The following SORCS3 variants were observed in gnomAD, a reference collection of about 807,000 sequenced individuals.
The protein encoded by SORCS3 is sortilin related VPS10 domain containing receptor 3.
Under a neutral mutation model 146.3 loss-of-function variants are expected in SORCS3, and 57 were observed. The ratio of observed to expected loss-of-function variants is 0.39; its 90% CI spans 0.31 to 0.49. The LOEUF is 0.49. SORCS3 is among the 20% of genes least tolerant of loss of function. The probability of loss-of-function intolerance (pLI) is 0.92; values close to 1 mark genes in which losing one functional copy is unlikely to be tolerated. For missense variants in SORCS3, 1,341 were observed against 1,575.5 expected, an observed-to-expected ratio of 0.85 and a Z score of 2.52; for synonymous variants, 653 against 618.5, an observed-to-expected ratio of 1.06 and a Z score of -0.83.
At chr10:104,736,283 C>T (rs1564671525) in intron 1 of SORCS3, among the ~76,000 whole-genome samples, 1 of 152,100 alleles carries the variant, frequency 6.6e-6, no homozygotes, top group Admixed American at 6.6e-5. Context: ...CTCAGGAGGC[C>T]ACGGCGGGGC....
chr10:104,830,027 T>C (rs1368712876), intron 1 of SORCS3, among the ~76,000 whole-genome samples: 1 of 152,154 alleles, frequency 6.6e-6, no homozygotes, highest in Non-Finnish European at 1.5e-5. Flanking sequence ...GTATTAGGTA[T>C]TCGTCCTAAT....
chr10:104,720,082 C>T (rs1036827354), intron 1 of SORCS3, among the ~76,000 whole-genome samples: 3 of 151,928 alleles, frequency 2.0e-5, no homozygotes, highest in Admixed American at 6.6e-5. Context: ...CCTGTTAACT[C>T]GTCATTTAAC....
At chr10:104,689,024 C>T (rs1207340855) in intron 1 of SORCS3, among the ~76,000 whole-genome samples, 1 of 152,218 alleles carries the variant, frequency 6.6e-6, no homozygotes, top group Non-Finnish European at 1.5e-5. Flanking sequence ...AGTTAACACC[C>T]TGCTGCTCCA....
chr10:105,255,647 G>A (rs1391643737), intron 23 of SORCS3, 55 bp from the exon 24 acceptor site: 4 of 1,229,064 alleles, frequency 3.3e-6, no homozygotes, highest in Admixed American at 1.7e-5. Flanking sequence ...CTTACCCCAT[G>A]AGGGAGCATC....
At chr10:104,977,756 A>G (rs945127151) in intron 4 of SORCS3, among the ~76,000 whole-genome samples, 8 of 134,182 alleles carry the variant, frequency 6.0e-5, no homozygotes, top group Admixed American at 5.6e-4. Flanking sequence ...TTTTTGACAC[A>G]GAGTCTCGCT....
chr10:105,235,770 A>C (rs751751188), intron 20 of SORCS3, among the ~76,000 whole-genome samples: 1 of 152,000 alleles, frequency 6.6e-6, no homozygotes, highest in African/African-American at 2.4e-5. Context: ...TTCATGGGTT[A>C]AGTTTCTAGA....
intron 4 of SORCS3, among the ~76,000 whole-genome samples, chr10:105,011,250 TGA>T (rs1287155832): frequency 6.6e-6 from 1 of 152,190 alleles, no homozygotes; most frequent in Non-Finnish European, 1.5e-5. Flanking sequence ...CAATGAGTTT[TGA>T]GAGTCATAAG....
chr10:104,856,353 T>G (rs12268862), intron 2 of SORCS3, among the ~76,000 whole-genome samples: 23,406 of 149,840 alleles, frequency 0.16, 3,491 homozygotes, highest in African/African-American at 0.4. Flanking sequence ...TTTATATATA[T>G]AGAGAGAAAG....
At chr10:105,056,727 C>T (rs1042349457) in intron 5 of SORCS3, among the ~76,000 whole-genome samples, 1 of 152,184 alleles carries the variant, frequency 6.6e-6, no homozygotes, top group Non-Finnish European at 1.5e-5. Flanking sequence ...TACAGTTGTA[C>T]ACTTTAAATG....
intron 4 of SORCS3, among the ~76,000 whole-genome samples, chr10:105,011,397 T>C (rs776505506): frequency 3.3e-5 from 5 of 152,218 alleles, no homozygotes; most frequent in Non-Finnish European, 5.9e-5. Context: ...CTATTTGCAT[T>C]GTATGCAAAT....
chr10:105,098,374 A>G (rs1202728598), intron 6 of SORCS3, among the ~76,000 whole-genome samples: 3 of 152,246 alleles, frequency 2.0e-5, no homozygotes, highest in African/African-American at 4.8e-5. Flanking sequence ...AAATTCCCAC[A>G]TTATATTACA....
chr10:104,871,494 A>G (rs17117820), intron 2 of SORCS3, among the ~76,000 whole-genome samples: 8,410 of 152,224 alleles, frequency 0.055, 711 homozygotes, highest in African/African-American at 0.18. Context: ...GCGTTTGGCA[A>G]TGCAGGTGGA....
intron 4 of SORCS3, among the ~76,000 whole-genome samples, chr10:105,029,249 A>T (rs2055249452): frequency 6.6e-6 from 1 of 152,222 alleles, no homozygotes; most frequent in African/African-American, 2.4e-5. Context: ...AGAACCACTG[A>T]TTTGGATCAT....
rs1306370886 is a variant in SORCS3 at position 105,153,528 on chromosome 10, G to A, written c.1483-3610G>A. On this transcript the variant is annotated intron_variant, in intron 9 of 26. Transcript: ENST00000369701. ...GAAGCCACCAAATTATTCCAAAAGT[G>A]GCTGTGGGATTTTGCATTTCCACCA... Among the ~76,000 whole-genome samples, 4 of 152,212 alleles carry A rather than the reference G, an allele frequency of 2.6e-5. No homozygotes were observed. In the East Asian group the frequency reaches 7.7e-4, roughly 29 times the overall value.
chr10:104,889,292 T>C (rs1589537490), intron 2 of SORCS3, among the ~76,000 whole-genome samples: 1 of 151,682 alleles, frequency 6.6e-6, no homozygotes, highest in African/African-American at 2.4e-5. Context: ...CTTTTTTTTT[T>C]TTTTTTAAAT....
intron 14 of SORCS3, among the ~76,000 whole-genome samples, chr10:105,196,197 A>C (rs1174348001): frequency 6.6e-5 from 10 of 152,228 alleles, no homozygotes; most frequent in Non-Finnish European, 1.3e-4. Flanking sequence ...TAGGCTGTAC[A>C]CATGGATGAT....
At chr10:105,014,040 T>G (rs1325829745) in intron 4 of SORCS3, among the ~76,000 whole-genome samples, 1 of 149,438 alleles carries the variant, frequency 6.7e-6, no homozygotes, top group Non-Finnish European at 1.5e-5. Flanking sequence ...TGGTACAGAA[T>G]AGAGACCCCA....
chr10:104,918,232 C>A (rs1297176276), intron 3 of SORCS3, among the ~76,000 whole-genome samples: 5 of 152,132 alleles, frequency 3.3e-5, no homozygotes, highest in African/African-American at 7.2e-5. Flanking sequence ...TCAGATCCCA[C>A]TCATGAACCC....
At chr10:104,915,236 C>T (rs1368577419) in intron 2 of SORCS3, among the ~76,000 whole-genome samples, 1 of 152,128 alleles carries the variant, frequency 6.6e-6, no homozygotes, top group African/African-American at 2.4e-5. Context: ...ATAGGCTTTT[C>T]ACCCTGGACA....
Sources: allele counts gnomAD v4.1 joint callset (sites outside exome capture counted in the v4.1 genomes callset), GRCh38; gene constraint gnomAD v4.1.1; transcripts MANE v1.5; gene names NCBI Gene and HGNC (gene_info 2026-07-23, HGNC 2026-07-21).